ATP8A2: variants seen among roughly 807,000 people sequenced by gnomAD.
ATP8A2 encodes ATPase phospholipid transporting 8A2, also known as phospholipid-transporting ATPase IB.
Under a neutral mutation model 165.6 loss-of-function variants are expected in ATP8A2, and 100 were observed. That is an observed-to-expected ratio of 0.60 (90% CI 0.51 to 0.71). The LOEUF (loss-of-function observed/expected upper bound fraction) is 0.71. Ranked by LOEUF, ATP8A2 falls within the 30% of genes least tolerant of loss-of-function variation. The probability of loss-of-function intolerance (pLI) is 0.00; values close to 1 mark genes in which losing one functional copy is unlikely to be tolerated. For synonymous variants in ATP8A2, 543 were observed against 548.8 expected (o/e 0.99, Z 0.15); for missense variants, 1,227 against 1,479.5 (o/e 0.83, Z 2.80).
At chr13:25,759,868 C>T (rs1273796362) in intron 25 of ATP8A2, among the ~76,000 whole-genome samples, 2 of 152,182 alleles carry the variant, frequency 1.3e-5, no homozygotes, top group East Asian at 3.9e-4. Flanking sequence ...ATACATTCCA[C>T]ATCATTTAGT....
chr13:25,486,662 A>T (rs937952422), intron 2 of ATP8A2, among the ~76,000 whole-genome samples: 1 of 150,728 alleles, frequency 6.6e-6, no homozygotes, highest in Non-Finnish European at 1.5e-5. Flanking sequence ...TACCCGTGGA[A>T]CAATTGTTAC....
At chr13:25,611,211 C>A (rs2040677583) in intron 24 of ATP8A2, among the ~76,000 whole-genome samples, 1 of 152,048 alleles carries the variant, frequency 6.6e-6, no homozygotes, top group Admixed American at 6.6e-5. Context: ...AGTGGGCATT[C>A]TTGTCTTGTT....
At chr13:25,946,140 G>A (rs1955203104) in intron 33 of ATP8A2, among the ~76,000 whole-genome samples, 1 of 152,024 alleles carries the variant, frequency 6.6e-6, no homozygotes, top group Admixed American at 6.6e-5. Context: ...AAGGCTCAGA[G>A]GCACAGTTCC....
chr13:25,620,661 GAT>G (rs2040944685), intron 24 of ATP8A2, among the ~76,000 whole-genome samples: 1 of 152,118 alleles, frequency 6.6e-6, no homozygotes, highest in South Asian at 2.1e-4. Context: ...GTGTGAAATA[GAT>G]ATGTTTAAAA....
chr13:25,463,269 T>C (rs2035553915), intron 1 of ATP8A2, among the ~76,000 whole-genome samples: 1 of 152,074 alleles, frequency 6.6e-6, no homozygotes, highest in Non-Finnish European at 1.5e-5. Context: ...ATTTTGTTTC[T>C]GTGTTACTTA....
chr13:25,849,019 G>A (rs903365732), intron 30 of ATP8A2, among the ~76,000 whole-genome samples: 1 of 152,066 alleles, frequency 6.6e-6, no homozygotes, highest in Non-Finnish European at 1.5e-5. Flanking sequence ...AGGTGGGGGC[G>A]GGGGCTGGCT....
chr13:25,715,617 G>T (rs2043240028), intron 25 of ATP8A2, among the ~76,000 whole-genome samples: 1 of 152,156 alleles, frequency 6.6e-6, no homozygotes, highest in Admixed American at 6.5e-5. Context: ...TCTTCAAAGG[G>T]TCATTCATGT....
At chr13:25,534,265 A>G (rs781581666) in intron 6 of ATP8A2, 2 of 523,438 alleles carry the variant, frequency 3.8e-6, no homozygotes, top group Middle Eastern at 3.2e-4. Context: ...TTGAAGTCGT[A>G]TGCTGCAAAC....
At chr13:25,958,945 A>C (rs1388694364) in intron 33 of ATP8A2, among the ~76,000 whole-genome samples, 1 of 152,208 alleles carries the variant, frequency 6.6e-6, no homozygotes, top group African/African-American at 2.4e-5. Flanking sequence ...TACAGGGTAC[A>C]TTTGAGTTAC....
chr13:25,692,433 G>T (rs2042745478), intron 24 of ATP8A2, among the ~76,000 whole-genome samples: 1 of 152,170 alleles, frequency 6.6e-6, no homozygotes, highest in African/African-American at 2.4e-5. Flanking sequence ...GGAGGAAGAG[G>T]GCTCCTACCC....
intron 24 of ATP8A2, among the ~76,000 whole-genome samples, chr13:25,623,887 C>T (rs1326718285): frequency 6.6e-6 from 1 of 150,642 alleles, no homozygotes; most frequent in Non-Finnish European, 1.5e-5. Flanking sequence ...CCTATATATG[C>T]ATATATCTAT....
At chr13:25,815,473 T>TCAAAG (rs1193427259) in intron 27 of ATP8A2, among the ~76,000 whole-genome samples, 2 of 152,142 alleles carry the variant, frequency 1.3e-5, no homozygotes, top group African/African-American at 4.8e-5. Flanking sequence ...GAAATGTAAT[T>TCAAAG]CAAAGCTACA....
Position 25,578,955 on chromosome 13 carries a change from G to A in ATP8A2, c.1867+56G>A, listed in dbSNP as rs539873067. ...CCATTGGAGCTGTACTTTCAAGCAT[G>A]TTGTCTTGATTTCCAGGGGCACATT... On this transcript the variant is annotated intron_variant, in intron 21 of 36. Coordinates refer to ENST00000381655, the MANE Select transcript of ATP8A2 (RefSeq NM_016529.6). The A allele has an allele frequency of 3.4e-6, 4 of 1,179,946 alleles. No individual in the cohort carries two copies. The South Asian group carries it at 3.6e-5, about 11-fold the overall frequency. 73.1% of individuals were successfully genotyped at this position (1,179,946 alleles called of 1,614,324 possible).
chr13:25,857,570 C>CTTTT (rs71080207), intron 30 of ATP8A2, among the ~76,000 whole-genome samples: 7 of 91,576 alleles, frequency 7.6e-5, no homozygotes, highest in Admixed American at 1.5e-4. Flanking sequence ...CTTTTTTTTC[C>CTTTT]TTTTTTTTTT....
At chr13:25,964,648 C>T (rs1281077388) in intron 34 of ATP8A2, among the ~76,000 whole-genome samples, 1 of 152,182 alleles carries the variant, frequency 6.6e-6, no homozygotes, top group Non-Finnish European at 1.5e-5. Context: ...CAAGTATCTA[C>T]TGAGGCACGA....
At chr13:25,999,127 A>T (rs779183869) in intron 35 of ATP8A2, among the ~76,000 whole-genome samples, 2 of 152,208 alleles carry the variant, frequency 1.3e-5, no homozygotes, top group Non-Finnish European at 2.9e-5. Context: ...CAAAGCACAC[A>T]TGCAATTTTA....
intron 6 of ATP8A2, among the ~76,000 whole-genome samples, chr13:25,536,213 G>A (rs2038278193): frequency 6.6e-6 from 1 of 152,132 alleles, no homozygotes; most frequent in Admixed American, 6.5e-5. Context: ...CTGGGTTCAA[G>A]CGATTCTCCT....
At chr13:25,537,884 A>T (rs754808293) in intron 6 of ATP8A2, 104 bp from the exon 7 acceptor site, 4 of 677,824 alleles carry the variant, frequency 5.9e-6, no homozygotes, top group Non-Finnish European at 9.8e-6. Context: ...TTCATGGCTT[A>T]GTTATATAAT....
chr13:25,638,770 T>G (rs953214619), intron 24 of ATP8A2, among the ~76,000 whole-genome samples: 1 of 151,700 alleles, frequency 6.6e-6, no homozygotes, highest in Non-Finnish European at 1.5e-5. Context: ...ACAAAGATAC[T>G]CCTCCAGAAG....
Sources: gnomAD v4.1 joint callset for allele counts (sites outside exome capture counted in the v4.1 genomes callset) on GRCh38, gnomAD v4.1.1 for gene constraint, MANE v1.5 for transcripts, NCBI Gene and HGNC (gene_info 2026-07-23, HGNC 2026-07-21) for gene names.